Variants in CLPTM1 observed in about 807,000 individuals in gnomAD.
CLPTM1 encodes putative lipid scramblase CLPTM1.
CLPTM1 carries 21 observed loss-of-function variants against 77.3 expected under a neutral mutation model. The ratio of observed to expected loss-of-function variants is 0.27; its 90% CI spans 0.19 to 0.39. CLPTM1 has a LOEUF of 0.39. CLPTM1 is among the 10% of genes least tolerant of loss of function. The pLI, the probability that CLPTM1 is intolerant of heterozygous loss-of-function variation, is 1.00. For missense variants in CLPTM1, 642 were observed against 921.2 expected, an observed-to-expected ratio of 0.70 and a Z score of 3.92; for synonymous variants, 373 against 381.0, an observed-to-expected ratio of 0.98 and a Z score of 0.24.
At chr19:44,988,893 C>T (rs970595391) in intron 9 of CLPTM1, among the ~76,000 whole-genome samples, 48 of 152,334 alleles carry the variant, frequency 3.2e-4, no homozygotes, top group African/African-American at 1.1e-3. Context: ...TATTAAGATG[C>T]TATTGCCGGC....
rs561813226 is a variant in CLPTM1 at position 44,969,889 on chromosome 19, T to C, written c.186-3198T>C. Among the ~76,000 whole-genome samples the C allele has an allele frequency of 2.0e-5, 3 of 149,424 alleles. No individual in the cohort carries two copies. The East Asian group carries it at 5.8e-4, about 29-fold the overall frequency. ...TTTTAGTAGAGATGGGGTTTCACCATGTTGGCCAGGTTGGTCTCGAACTCC... is the reference window on the plus strand; with the variant it reads ...TTTTAGTAGAGATGGGGTTTCACCACGTTGGCCAGGTTGGTCTCGAACTCC... On this transcript the variant is annotated intron_variant, in intron 2 of 13. Coordinates refer to ENST00000337392, the MANE Select transcript of CLPTM1 (RefSeq NM_001294.4).
At chr19:44,954,833 A>G (rs758785769), upstream of CLPTM1, 1 of 1,195,846 alleles carries the variant, frequency 8.4e-7, no homozygotes. Context: ...AAACACAGAA[A>G]GGATATGAGC....
At chr19:44,966,451 G>A (rs907812881) in intron 2 of CLPTM1, among the ~76,000 whole-genome samples, 21 of 152,194 alleles carry the variant, frequency 1.4e-4, no homozygotes, top group African/African-American at 5.1e-4. Context: ...CATCCCATAG[G>A]CACACATTTT....
intron 1 of CLPTM1, among the ~76,000 whole-genome samples, chr19:44,956,406 A>C (rs760291052): frequency 4.7e-4 from 71 of 152,194 alleles, no homozygotes; most frequent in Non-Finnish European, 6.8e-4. Context: ...ACTGACATGT[A>C]AACAGTTGTA....
intron 2 of CLPTM1, among the ~76,000 whole-genome samples, chr19:44,965,459 C>T (rs748641762): frequency 1.2e-4 from 18 of 151,482 alleles, no homozygotes; most frequent in Non-Finnish European, 2.5e-4. Context: ...GATCGTGCCA[C>T]TGCACTCAAG....
chr19:44,966,999 G>A (rs973492980), intron 2 of CLPTM1, among the ~76,000 whole-genome samples: 1 of 152,012 alleles, frequency 6.6e-6, no homozygotes, highest in Admixed American at 6.6e-5. Flanking sequence ...CCGCCACAGC[G>A]CCCGGCTAAT....
chr19:44,980,523 A>G (rs191226949), intron 5 of CLPTM1, among the ~76,000 whole-genome samples: 6,429 of 150,178 alleles, frequency 0.043, 205 homozygotes, highest in Non-Finnish European at 0.067. Context: ...AAAAAAAAAA[A>G]AAAAGAAAAG....
chr19:44,993,252 C>T lies in CLPTM1; in HGVS notation c.*355C>T. 2 of 499,768 alleles carry T rather than the reference C, an allele frequency of 4.0e-6. No homozygotes were observed. The highest frequency in any genetic ancestry group is 2.3e-5 in the Admixed American group (1 of 43,248). 31.0% of individuals were successfully genotyped at this position (499,768 alleles called of 1,614,324 possible). On this transcript the variant is annotated 3_prime_UTR_variant, in exon 14 of 14. Transcript: ENST00000337392. ...CACGGCCGTTCATCATCTTGTCCCT[C>T]GTCCCCCTACCACACTCCCCCTCCT... is the stretch of plus-strand genomic sequence containing the variant.
chr19:44,974,313 C>T (rs1400227870), intron 3 of CLPTM1, 126 bp from the exon 4 acceptor site: 3 of 863,984 alleles, frequency 3.5e-6, no homozygotes, highest in East Asian at 5.0e-5. Flanking sequence ...CTCTTCCTCT[C>T]TCCTCTCCCC....
In CLPTM1 at chr19:44,976,689, A is replaced by G. The variant is rs575725056; in HGVS notation, c.469-654A>G. Among the ~76,000 whole-genome samples the G allele has an allele frequency of 2.1e-4, 32 of 152,084 alleles. No individual in the cohort carries two copies. In the South Asian group the frequency reaches 2.7e-3, roughly 13 times the overall value. On this transcript the variant is annotated intron_variant, in intron 4 of 13. Coordinates refer to ENST00000337392, the MANE Select transcript of CLPTM1 (RefSeq NM_001294.4). Reference sequence around the variant, plus strand: ...TCCCCCTTCCCTGGGAGGCAAGGAGACTTGATGAGATAATGAGGAAGACTT... The same window carrying G: ...TCCCCCTTCCCTGGGAGGCAAGGAGGCTTGATGAGATAATGAGGAAGACTT...
chr19:44,958,259 C>T (rs1486418939), intron 1 of CLPTM1, among the ~76,000 whole-genome samples: 5 of 151,360 alleles, frequency 3.3e-5, no homozygotes, highest in Admixed American at 6.6e-5. Flanking sequence ...GAAGGAAGGG[C>T]GAGGAGGCTG....
intron 2 of CLPTM1, among the ~76,000 whole-genome samples, chr19:44,965,235 C>T (rs1055784671): frequency 1.3e-5 from 2 of 152,192 alleles, no homozygotes; most frequent in African/African-American, 4.8e-5. Flanking sequence ...TGCGGTGGCT[C>T]ACGCCTGCAA....
chr19:44,992,185 G>A lies in CLPTM1; in HGVS notation c.1556-48G>A. ...TATGGCCAGTGCAGAGTGCACAGGG[G>A]AGAGGTGGGAGAGGCCATCCCTCTG... is the stretch of plus-strand genomic sequence containing the variant. On this transcript the variant is annotated intron_variant, in intron 12 of 13. Transcript: ENST00000337392. The surrounding 1 kb of genome is among the most constrained non-coding windows in gnomAD (Gnocchi z 7.7). The A allele has an allele frequency of 6.2e-7, 1 of 1,603,446 alleles. No homozygotes were observed. The highest frequency in any genetic ancestry group is 8.5e-7 in the Non-Finnish European group (1 of 1,171,884).
rs1333606656 is a variant in CLPTM1, at chr19:44,974,566, A to G, written c.437A>G (p.Tyr146Cys). 2 of 1,614,120 alleles carry G rather than the reference A, an allele frequency of 1.2e-6. No individual in the cohort carries two copies. The highest frequency in any genetic ancestry group is 1.7e-6 in the Non-Finnish European group (2 of 1,180,004). ...WTSGENSDGC[Y>C]EHFAELDIPQ... ...AGCGGCGAGAACTCAGACGGCTGCT[A>G]CGAGCACTTTGCTGAGCTCGATATC... Residue 146 changes from tyrosine (Y) to cysteine (C), a missense_variant, in exon 4 of 14, where the codon TAC becomes TGC. Tyr to Cys is a radical substitution (Grantham distance 194). Transcript: ENST00000337392.
Position 44,990,617 on chromosome 19 carries a change from C to A in CLPTM1, c.1323+32C>A, listed in dbSNP as rs1971057092. ...CTGGGGCGCCATGCTGTCTCGGGAG[C>A]TGCAGGGGTTGGGAGGGGGTAGTGT... On this transcript the variant is annotated intron_variant, in intron 10 of 13. Transcript: ENST00000337392. The surrounding 1 kb of genome is among the most constrained non-coding windows in gnomAD (Gnocchi z 4.8). 1.2e-6 allele frequency: 2 copies of A among 1,606,906 alleles called. No individual in the cohort carries two copies. Among genetic ancestry groups the A allele is most frequent in the South Asian group, 2.2e-5 (2 of 90,784 alleles).
In CLPTM1 at chr19:44,974,487, G is replaced by T. The variant is rs761721741; in HGVS notation, c.358G>T (p.Ala120Ser). ...SEHEHFTDFNATSALFWEQHD... is the reference protein window; with the variant it reads ...SEHEHFTDFNSTSALFWEQHD... ...GCACGAGCACTTTACAGACTTCAAC[G>T]CCACGTCGGCACTCTTCTGGGAACA... The change falls in exon 4 of 14, where the codon GCC becomes TCC. Residue 120 changes from alanine to serine, a missense_variant. This residue lies in a region of CLPTM1 where 521 missense variants were observed against 800.4 expected (regional missense o/e 0.65). Transcript: ENST00000337392. 7 of 1,614,076 alleles carry T rather than the reference G, an allele frequency of 4.3e-6. No individual in the cohort carries two copies. Among genetic ancestry groups the T allele is most frequent in the Non-Finnish European group, 5.9e-6 (7 of 1,179,994 alleles).
rs1466200212 is a variant in CLPTM1, at chr19:44,955,475, G to A, written c.72+8G>A. On this transcript the variant is annotated splice_region_variant and intron_variant, in intron 1 of 13. Transcript: ENST00000337392. ...GGAGGCAGCTCCGGTCAGGTACGGA[G>A]GCCGAGAGGGGACTGAGGGGGTTCT... The A allele has an allele frequency of 7.6e-6, 10 of 1,312,400 alleles. No homozygotes were observed. The highest frequency in any genetic ancestry group is 2.6e-5 in the South Asian group (1 of 38,194). The allele number at this position is 1,312,400 out of a possible 1,614,324, so 81.3% of individuals were successfully genotyped here. A position where few individuals can be genotyped will look rare whatever the true frequency, so the allele number is the denominator to read the frequency against.
chr19:44,986,326 C>A, intron 6 of CLPTM1, 129 bp from the exon 7 acceptor site: 1 of 1,226,088 alleles, frequency 8.2e-7, no homozygotes, highest in East Asian at 2.4e-5. Flanking sequence ...TAGTGAGACC[C>A]CATCTCAGAA....
chr19:44,963,326 G>GT (rs1300871105), intron 2 of CLPTM1, among the ~76,000 whole-genome samples: 4 of 122,452 alleles, frequency 3.3e-5, no homozygotes, highest in African/African-American at 1.3e-4. Flanking sequence ...TTTATTTTAT[G>GT]TATTTTTTTT....
Sources: gnomAD v4.1 joint callset for allele counts (sites outside exome capture counted in the v4.1 genomes callset) on GRCh38, gnomAD v4.1.1 for gene constraint, gnomAD v4.1.1 regional missense constraint, Gnocchi (gnomAD v3.1) non-coding constraint, MANE v1.5 for transcripts, NCBI Gene and HGNC (gene_info 2026-07-23, HGNC 2026-07-21) for gene names.